The following TASP1 variants were observed in gnomAD, a reference collection of about 807,000 sequenced individuals.
TASP1 encodes threonine aspartase 1.
Under a neutral mutation model 56.6 loss-of-function variants are expected in TASP1, and 16 were observed. That is an observed-to-expected ratio of 0.28 (90% confidence interval 0.19 to 0.43). The LOEUF is 0.43. Among genes scored for constraint, TASP1 ranks in the 20% least tolerant of loss-of-function variants. The probability of loss-of-function intolerance (pLI) is 1.00; values close to 1 mark genes in which losing one functional copy is unlikely to be tolerated. For missense variants in TASP1, 393 were observed against 511.6 expected, an observed-to-expected ratio of 0.77 and a Z score of 2.24; for synonymous variants, 179 against 184.2, an observed-to-expected ratio of 0.97 and a Z score of 0.23.
chr20:13,290,772 C>T, the TASP1 span, among the ~76,000 whole-genome samples: 1 of 152,062 alleles, frequency 6.6e-6, no homozygotes, highest in Non-Finnish European at 1.5e-5. Context: ...GGCTAAAGTC[C>T]TTACAGGTAT....
chr20:13,120,017 TAA>T, the TASP1 span, among the ~76,000 whole-genome samples: 1 of 152,256 alleles, frequency 6.6e-6, no homozygotes, highest in South Asian at 2.1e-4. Context: ...TTAATTATGT[TAA>T]GTTTCATTAT....
Position 13,393,832 on chromosome 20 carries a change from C to A in TASP1, c.1171-3380G>T, listed in dbSNP as rs192635337. 2.0e-5 allele frequency among the ~76,000 whole-genome samples: 3 copies of A among 151,920 alleles called. No individual in the cohort carries two copies. In the East Asian group the frequency reaches 5.8e-4, roughly 30 times the overall value. ...CCTGAAGAGGGAGGGGCCTAGGGAGCCCCACCCTGTTGTATACCATGAATA... is the reference window on the plus strand; with the variant it reads ...CCTGAAGAGGGAGGGGCCTAGGGAGACCCACCCTGTTGTATACCATGAATA... On this transcript the variant is annotated intron_variant, in intron 13 of 13. Coordinates refer to ENST00000337743, the MANE Select transcript of TASP1 (RefSeq NM_017714.3).
chr20:13,300,131 C>T, the TASP1 span: 1 of 152,052 alleles, frequency 6.6e-6, no homozygotes, highest in Non-Finnish European at 1.5e-5. Context: ...ATTTTAGGGA[C>T]AAAGCTGAGG....
the TASP1 span, among the ~76,000 whole-genome samples, chr20:13,240,703 GAT>G: frequency 6.6e-6 from 1 of 152,196 alleles, no homozygotes; most frequent in African/African-American, 2.4e-5. Context: ...GAAGAACATA[GAT>G]ATGTTAGAAA....
chr20:13,289,707 A>T, the TASP1 span, among the ~76,000 whole-genome samples: 3 of 152,182 alleles, frequency 2.0e-5, no homozygotes, highest in African/African-American at 7.2e-5. Context: ...GGAAGCTGCA[A>T]CCAAGACCAT....
intron 10 of TASP1, among the ~76,000 whole-genome samples, chr20:13,520,899 T>C (rs1461235518): frequency 2.0e-5 from 3 of 152,028 alleles, no homozygotes; most frequent in Admixed American, 1.3e-4. Flanking sequence ...ATATCCAGAA[T>C]CTACAATGAA....
At chr20:13,348,268 T>C in the TASP1 span, among the ~76,000 whole-genome samples, 1 of 152,228 alleles carries the variant, frequency 6.6e-6, no homozygotes, top group Admixed American at 6.5e-5. Context: ...ATTTGTGTGT[T>C]GCTTTACTAA....
intron 11 of TASP1, among the ~76,000 whole-genome samples, chr20:13,482,333 T>C (rs950690387): frequency 1.3e-5 from 2 of 152,106 alleles, no homozygotes; most frequent in Non-Finnish European, 2.9e-5. Context: ...TCTGAAGTTA[T>C]ATAATGTGAT....
chr20:13,604,416 A>G (rs1427056754), intron 4 of TASP1, among the ~76,000 whole-genome samples: 1 of 150,976 alleles, frequency 6.6e-6, no homozygotes, highest in African/African-American at 2.4e-5. Flanking sequence ...TGATATACCG[A>G]CTCCTCCTTT....
At chr20:13,552,259 C>T (rs1001564143) in intron 8 of TASP1, among the ~76,000 whole-genome samples, 27 of 152,138 alleles carry the variant, frequency 1.8e-4, no homozygotes, top group Admixed American at 1.0e-3. Context: ...ATGCACATCA[C>T]GATCAGTGAC....
At chr20:13,296,740 C>A in the TASP1 span, among the ~76,000 whole-genome samples, 10 of 152,272 alleles carry the variant, frequency 6.6e-5, no homozygotes, top group Admixed American at 5.9e-4. Context: ...ATTTTGTCAG[C>A]CAGGCGTGGT....
the TASP1 span, among the ~76,000 whole-genome samples, chr20:13,240,803 G>T: frequency 4.6e-5 from 7 of 152,232 alleles, no homozygotes; most frequent in African/African-American, 1.7e-4. Context: ...CTGAGACAGA[G>T]CCAACAGGAT....
chr20:13,364,029 G>T, the TASP1 span, among the ~76,000 whole-genome samples: 155 of 151,890 alleles, frequency 1.0e-3, no homozygotes, highest in Admixed American at 2.4e-3. Flanking sequence ...TTTAATCCCA[G>T]ATAAGGTTTG....
intron 8 of TASP1, 23 bp from the exon 9 acceptor site, chr20:13,534,164 GT>G (rs1173738887): frequency 1.2e-6 from 2 of 1,612,482 alleles, no homozygotes; most frequent in South Asian, 2.2e-5. Flanking sequence ...AGTGGCACAA[GT>G]ATTCACTAGG....
the TASP1 span, among the ~76,000 whole-genome samples, chr20:13,249,129 T>C: frequency 6.6e-6 from 1 of 152,230 alleles, no homozygotes; most frequent in South Asian, 2.1e-4. Flanking sequence ...GGATGATTTT[T>C]GAAAAGATAA....
the TASP1 span, among the ~76,000 whole-genome samples, chr20:13,275,549 G>C: frequency 1.3e-5 from 2 of 152,170 alleles, 1 homozygote; most frequent in South Asian, 4.1e-4. Context: ...AGCCAGACTT[G>C]ACCTCCGTAG....
chr20:13,148,017 G>A, the TASP1 span, among the ~76,000 whole-genome samples: 2 of 152,160 alleles, frequency 1.3e-5, no homozygotes, highest in Admixed American at 6.6e-5. Context: ...TTAGGATTAC[G>A]GGGGAAATGC....
chr20:13,462,446 A>G (rs992022955), intron 11 of TASP1, among the ~76,000 whole-genome samples: 3 of 152,190 alleles, frequency 2.0e-5, no homozygotes, highest in Admixed American at 2.0e-4. Flanking sequence ...AGGCATGCAC[A>G]TTGATTTTGA....
At position 13,506,590 on chromosome 20, in the gene TASP1, T is replaced by A. The variant is rs11905419; in HGVS notation, c.874+21843A>T. On this transcript the variant is annotated intron_variant, in intron 10 of 13. Transcript: ENST00000337743. ...CCAGAATGTAAGGATGGCTCCCATA[T>A]GCAAATTTATAAATGGGACACACCA... is the stretch of plus-strand genomic sequence containing the variant. 1.6e-3 allele frequency among the ~76,000 whole-genome samples: 243 copies of A among 152,208 alleles called. 1 individual carries two copies. Among genetic ancestry groups the A allele is most frequent in the African/African-American group, 5.6e-3 (234 of 41,544 alleles).
Sources: allele counts gnomAD v4.1 joint callset (sites outside exome capture counted in the v4.1 genomes callset), GRCh38; gene constraint gnomAD v4.1.1; transcripts MANE v1.5; gene names NCBI Gene and HGNC (gene_info 2026-07-23, HGNC 2026-07-21).